The following PRDM7 variants were observed in gnomAD, a reference collection of about 807,000 sequenced individuals.
PRDM7 encodes the protein histone-lysine N-methyltransferase PRDM7.
Under a neutral mutation model 64.3 loss-of-function variants are expected in PRDM7, and 52 were observed. The ratio of observed to expected loss-of-function variants is 0.81; its 90% CI spans 0.65 to 1.02. The LOEUF (loss-of-function observed/expected upper bound fraction) is 1.02, where lower values mean the gene tolerates loss of function less well. Ranked by LOEUF, PRDM7 falls within the 50% of genes least tolerant of loss-of-function variation. The pLI, the probability that PRDM7 is intolerant of heterozygous loss-of-function variation, is 0.00. For synonymous variants in PRDM7, 192 were observed against 210.1 expected (o/e 0.91, Z 0.74); for missense variants, 574 against 597.1 (o/e 0.96, Z 0.40).
chr16:90,059,233 A>G (rs1488508080), intron 10 of PRDM7, among the ~76,000 whole-genome samples: 2 of 152,250 alleles, frequency 1.3e-5, no homozygotes, highest in African/African-American at 4.8e-5. Flanking sequence ...TGCTGCGCCA[A>G]CTAGGTGCAT....
intron 6 of PRDM7, 141 bp from the exon 7 acceptor site, chr16:90,062,643 G>T (rs2037802642): frequency 2.5e-6 from 2 of 799,590 alleles, no homozygotes; most frequent in South Asian, 3.0e-5. Flanking sequence ...TACTGCTTCA[G>T]AGAGACTTAG....
chr16:90,066,805 C>G, intron 5 of PRDM7, 56 bp downstream of exon 5: 1 of 1,443,748 alleles, frequency 6.9e-7, no homozygotes, highest in Non-Finnish European at 9.7e-7. Context: ...CTTCTCTTAC[C>G]TGTATTTGGA....
At chr16:90,076,587 G>A (rs1275014868) in intron 1 of PRDM7, among the ~76,000 whole-genome samples, 1 of 152,076 alleles carries the variant, frequency 6.6e-6, no homozygotes, top group Non-Finnish European at 1.5e-5. Context: ...GGAATTTGGA[G>A]TATCTTGAGC....
chr16:90,071,707 G>C (rs894170342), intron 4 of PRDM7, among the ~76,000 whole-genome samples: 4 of 152,040 alleles, frequency 2.6e-5, no homozygotes, highest in African/African-American at 9.7e-5. Context: ...CCTCTTAAAG[G>C]CTCCACCTCT....
At chr16:90,074,205 A>T (rs1304049998) in intron 4 of PRDM7, among the ~76,000 whole-genome samples, 1 of 151,698 alleles carries the variant, frequency 6.6e-6, no homozygotes, top group Non-Finnish European at 1.5e-5. Context: ...GGCTGCAGTG[A>T]GTTATGATTG....
rs2037786181 is a variant in PRDM7, at chr16:90,061,970, C to T, written c.833G>A (p.Gly278Asp). ...PLGLHFGPYEGRITEDEEAAN... is the reference protein window; with the variant it reads ...PLGLHFGPYEDRITEDEEAAN... ...TGCCTCTTCGTCTTCTGTAATTCGG[C>T]CCTCATAGGGGCCAAAGTGCAGACC... is the stretch of plus-strand genomic sequence containing the variant. Residue 278 changes from glycine (G) to aspartate (D), a missense_variant, in exon 8 of 11, where the codon GGC (glycine) becomes GAC (aspartate). By Grantham distance (94) the Gly-to-Asp change is moderately conservative. Coordinates refer to ENST00000449207, the MANE Select transcript of PRDM7 (RefSeq NM_001098173.2). 1 of 1,614,260 alleles carries T rather than the reference C, an allele frequency of 6.2e-7. No individual in the cohort carries two copies. The highest frequency in any genetic ancestry group is 8.5e-7 in the Non-Finnish European group (1 of 1,180,042).
In PRDM7 at chr16:90,066,728, G is replaced by A; in HGVS notation, c.351+133C>T. 8 of 741,032 alleles carry A rather than the reference G, an allele frequency of 1.1e-5. No homozygotes were observed. The South Asian group carries it at 1.1e-4, about 10-fold the overall frequency. 45.9% of individuals were successfully genotyped at this position (741,032 alleles called of 1,614,324 possible). On this transcript the variant is annotated intron_variant, in intron 5 of 10. Coordinates refer to ENST00000449207, the MANE Select transcript of PRDM7 (RefSeq NM_001098173.2). ...TATTAACTCTTAAAATAATGATGAT[G>A]GCAGACACTGCGCTAAAGAGATCAG...
At chr16:90,068,649 A>AAG (rs1567878766) in intron 4 of PRDM7, among the ~76,000 whole-genome samples, 6 of 148,458 alleles carry the variant, frequency 4.0e-5, no homozygotes, top group Non-Finnish European at 3.0e-5. Flanking sequence ...AAAAAAAAAA[A>AAG]AAAGAAGTAA....
At chr16:90,066,789 A>G (rs866045864) in intron 5 of PRDM7, 72 bp downstream of exon 5, 2 of 1,370,938 alleles carry the variant, frequency 1.5e-6, no homozygotes, top group Middle Eastern at 1.8e-4. Flanking sequence ...TAGTCTGTAC[A>G]TTCTCCTTCT....
chr16:90,073,495 G>T (rs191948139), intron 4 of PRDM7, among the ~76,000 whole-genome samples: 2 of 151,752 alleles, frequency 1.3e-5, no homozygotes, highest in African/African-American at 4.8e-5. Context: ...CGCCTCCCGG[G>T]TTCATGCCAT....
intron 4 of PRDM7, among the ~76,000 whole-genome samples, chr16:90,069,244 G>C (rs1197090842): frequency 6.6e-6 from 1 of 150,986 alleles, no homozygotes; most frequent in African/African-American, 2.5e-5. Context: ...ATGATGCCAA[G>C]ACTACACAAT....
Position 90,062,521 on chromosome 16 carries a change from G to C in PRDM7, c.509-19C>G, listed in dbSNP as rs755705795. The C allele has an allele frequency of 5.0e-6, 8 of 1,592,064 alleles. No homozygotes were observed. In the African/African-American group the frequency reaches 9.4e-5, roughly 19 times the overall value. ...CTGAGTTCTAGGTTGGAGAAGAGTA[G>C]ATGGGTAAAATTGGGAGTCTGGGGT... On this transcript the variant is annotated intron_variant, in intron 6 of 10. Coordinates refer to ENST00000449207, the MANE Select transcript of PRDM7 (RefSeq NM_001098173.2).
chr16:90,062,591 A>C, intron 6 of PRDM7, 89 bp from the exon 7 acceptor site: 1 of 1,138,868 alleles, frequency 8.8e-7, no homozygotes, highest in South Asian at 1.2e-5. Context: ...CCTACCATCA[A>C]ATTAGCATCT....
intron 8 of PRDM7, 109 bp from the exon 9 acceptor site, chr16:90,061,628 A>C: frequency 4.6e-6 from 6 of 1,317,578 alleles, no homozygotes; most frequent in Non-Finnish European, 5.4e-6. Context: ...TCAACTGCCA[A>C]CTGAGACCAC....
chr16:90,067,607 T>G (rs1199380495), intron 4 of PRDM7, among the ~76,000 whole-genome samples: 1 of 148,762 alleles, frequency 6.7e-6, no homozygotes, highest in Non-Finnish European at 1.5e-5. Context: ...TTTTTTTTTT[T>G]TGAGATGGAG....
In PRDM7 at chr16:90,062,190, A is replaced by C; in HGVS notation, c.613T>G (p.Cys205Gly). The change falls in exon 8 of 11, where the codon TGT becomes GGT. Residue 205 changes from cysteine to glycine, a missense_variant and splice_region_variant. Transcript: ENST00000449207. ...SEPQDDDYLY[C>G]EMCQNFFIDS... ...ATGAAGAAGTTCTGACACATCTCAC[A>C]ATCTGGAAGTGAGGGAAGCAGGGAT... 6.2e-7 allele frequency: 1 copy of C among 1,614,254 alleles called. No homozygotes were observed. The highest frequency in any genetic ancestry group is 8.5e-7 in the Non-Finnish European group (1 of 1,180,038).
intron 10 of PRDM7, among the ~76,000 whole-genome samples, chr16:90,059,907 C>T (rs2037742971): frequency 6.6e-6 from 1 of 152,232 alleles, no homozygotes; most frequent in African/African-American, 2.4e-5. Context: ...TCTGTATTTA[C>T]ACTTCCTGCA....
chr16:90,060,417 C>G lies in PRDM7; in HGVS notation c.1157G>C (p.Gly386Ala). Residue 386 changes from glycine (G) to alanine (A), a missense_variant, in exon 10 of 11, where the codon GGT (glycine) becomes GCT (alanine). Transcript: ENST00000449207. ...GTTCCTGGCCATACTCATCCCCATA[C>G]CAGACCAGCAGTTCACAGCCTGGCC... Reference protein sequence around the residue: ...SLGQAVNCWSGMGMSMARNWA... With the variant: ...SLGQAVNCWSAMGMSMARNWA... 1 of 1,613,840 alleles carries G rather than the reference C, an allele frequency of 6.2e-7. No homozygotes were observed.
chr16:90,064,999 G>A (rs1188116286), intron 5 of PRDM7, among the ~76,000 whole-genome samples: 3 of 151,056 alleles, frequency 2.0e-5, no homozygotes, highest in African/African-American at 7.4e-5. Context: ...GATTACAGGT[G>A]TGAGCCACTG....
Sources: gnomAD v4.1 joint callset for allele counts (sites outside exome capture counted in the v4.1 genomes callset) on GRCh38, gnomAD v4.1.1 for gene constraint, MANE v1.5 for transcripts, NCBI Gene and HGNC (gene_info 2026-07-23, HGNC 2026-07-21) for gene names.